USP15: variants seen among roughly 807,000 people sequenced by gnomAD.
The protein encoded by USP15 is ubiquitin carboxyl-terminal hydrolase 15.
A neutral mutation model predicts 127.1 loss-of-function variants in USP15; 18 were observed. The ratio of observed to expected loss-of-function variants is 0.14; its 90% CI spans 0.10 to 0.21. USP15 has a LOEUF of 0.21. Ranked by LOEUF, USP15 falls within the 10% of genes least tolerant of loss-of-function variation. The pLI, the probability that USP15 is intolerant of heterozygous loss-of-function variation, is 1.00. For missense variants in USP15, 805 were observed against 1,159.9 expected, an observed-to-expected ratio of 0.69 and a Z score of 4.44; for synonymous variants, 364 against 393.7, an observed-to-expected ratio of 0.92 and a Z score of 0.89.
At position 62,409,027 on chromosome 12, in the gene USP15, A is replaced by G. The variant is rs993063923; in HGVS notation, c.*4652A>G. The G allele has an allele frequency of 4.6e-5, 7 of 152,166 alleles. No homozygotes were observed. Among genetic ancestry groups the G allele is most frequent in the African/African-American group, 1.7e-4 (7 of 41,444 alleles). 9.4% of individuals were successfully genotyped at this position (152,166 alleles called of 1,614,324 possible). Reference sequence around the variant, plus strand: ...AATATCAGAATTAGGAAAATAAAATATAGATGGTAAAAATTCAAATATTTA... The same window carrying G: ...AATATCAGAATTAGGAAAATAAAATGTAGATGGTAAAAATTCAAATATTTA... On this transcript the variant is annotated 3_prime_UTR_variant, in exon 22 of 22. Transcript: ENST00000280377.
In USP15 at chr12:62,414,954, C is replaced by G. The variant is rs1208340233; in HGVS notation, c.*10579C>G. ...CACATATATGTATAGCTCTCTCCCTCATATATACACATATCATGTATATAC... is the reference window on the plus strand; with the variant it reads ...CACATATATGTATAGCTCTCTCCCTGATATATACACATATCATGTATATAC... On this transcript the variant is annotated 3_prime_UTR_variant, in exon 22 of 22. Transcript: ENST00000280377. 1 of 124,924 alleles carries G rather than the reference C, an allele frequency of 8.0e-6. No individual in the cohort carries two copies. Among genetic ancestry groups the G allele is most frequent in the Non-Finnish European group, 1.7e-5 (1 of 58,244 alleles). The allele number at this position is 124,924 out of a possible 1,614,324, so 7.7% of individuals were successfully genotyped here.
chr12:62,382,785 CTAAG>C (rs1211406466), intron 9 of USP15, among the ~76,000 whole-genome samples: 11 of 151,948 alleles, frequency 7.2e-5, no homozygotes, highest in South Asian at 2.1e-4. Flanking sequence ...CGCATAGAAA[CTAAG>C]TGAGAGCCTA....
In USP15 at chr12:62,389,650, G is replaced by T; in HGVS notation, c.1603G>T (p.Ala535Ser). The T allele has an allele frequency of 6.2e-7, 1 of 1,612,424 alleles. No individual in the cohort carries two copies. Among genetic ancestry groups the T allele is most frequent in the Non-Finnish European group, 8.5e-7 (1 of 1,179,040 alleles). ...CAATCATAGATTTCACAGAATATTC[G>T]CTATGGATGAAAACCTTAGTAGTAT... is the stretch of plus-strand genomic sequence containing the variant. ...IYNHRFHRIF[A>S]MDENLSSIME... Residue 535 changes from alanine (A) to serine (S), a missense_variant, in exon 13 of 22, where the codon GCT becomes TCT. Physicochemically the swap from Ala to Ser is moderately conservative, Grantham distance 99. Coordinates refer to ENST00000280377, the MANE Select transcript of USP15 (RefSeq NM_001252078.2).
At chr12:62,401,047 A>G (rs1045399267) in intron 20 of USP15, 140 bp from the exon 21 acceptor site, 4 of 451,194 alleles carry the variant, frequency 8.9e-6, no homozygotes, top group Non-Finnish European at 1.5e-5. Flanking sequence ...CATTTGAATC[A>G]ATTGAATATG....
chr12:62,284,276 A>G (rs1171720939), intron 1 of USP15, among the ~76,000 whole-genome samples: 1 of 152,224 alleles, frequency 6.6e-6, no homozygotes, highest in African/African-American at 2.4e-5. Context: ...ATGTCTGAGT[A>G]TAAGTAAAGT....
chr12:62,334,005 G>A (rs1592609715), intron 6 of USP15: 1 of 152,074 alleles, frequency 6.6e-6, no homozygotes. Context: ...TGTGTTTTCA[G>A]GTGAAATTAT....
chr12:62,260,439 C>T lies in USP15; in HGVS notation c.25C>T (p.Leu9=), dbSNP rs1483301961. The change falls in exon 1 of 22, where the codon CTG becomes TTG. Residue 9 remains leucine, a synonymous_variant. Coordinates refer to ENST00000280377, the MANE Select transcript of USP15 (RefSeq NM_001252078.2). Reference sequence around the variant, plus strand: ...GATGGCGGAAGGCGGAGCGGCGGATCTGGACACCCAGCGGTCTGACATCGC... The same window carrying T: ...GATGGCGGAAGGCGGAGCGGCGGATTTGGACACCCAGCGGTCTGACATCGC... The part of the protein sequence containing the change: MAEGGAAD[L]DTQRSDIATL... The T allele has an allele frequency of 4.5e-6, 7 of 1,551,730 alleles. No individual in the cohort carries two copies. The highest frequency in any genetic ancestry group is 6.1e-6 in the Non-Finnish European group (7 of 1,147,740).
At chr12:62,264,175 G>A (rs1050646728) in intron 1 of USP15, among the ~76,000 whole-genome samples, 1 of 152,000 alleles carries the variant, frequency 6.6e-6, no homozygotes, top group Non-Finnish European at 1.5e-5. Flanking sequence ...GTAGAGACAG[G>A]GTTTCCCCAT....
intron 14 of USP15, 33 bp from the exon 15 acceptor site, chr12:62,390,831 A>T (rs748761307): frequency 2.0e-6 from 3 of 1,514,408 alleles, no homozygotes; most frequent in Non-Finnish European, 2.7e-6. Context: ...TCTTTGTAGT[A>T]CTGAACTTGT....
At chr12:62,306,492 G>T (rs1327248822) in intron 3 of USP15, among the ~76,000 whole-genome samples, 2 of 152,158 alleles carry the variant, frequency 1.3e-5, no homozygotes, top group African/African-American at 4.8e-5. Context: ...CTGGTAGAAA[G>T]TGGTCTTTGT....
chr12:62,314,839 TCA>T lies in USP15; in HGVS notation c.401_402del (p.Thr134ArgfsTer6). 1 of 1,597,394 alleles carries T rather than the reference TCA, an allele frequency of 6.3e-7. No individual in the cohort carries two copies. The highest frequency in any genetic ancestry group is 8.5e-7 in the Non-Finnish European group (1 of 1,171,894). ...AAGCACTGCAAAGTAGAAGTATATC[TCA>T]CAGAATTGAAGCTATGTGAAAATGG... On this transcript the variant is annotated frameshift_variant, in exon 4 of 22. Transcript: ENST00000280377. LOFTEE classifies it high-confidence loss of function.
intron 2 of USP15, among the ~76,000 whole-genome samples, chr12:62,298,530 G>A (rs2064203267): frequency 6.6e-6 from 1 of 152,060 alleles, no homozygotes; most frequent in Admixed American, 6.6e-5. Flanking sequence ...GCTGGGTGTG[G>A]TGGCGCGCAC....
intron 1 of USP15, among the ~76,000 whole-genome samples, chr12:62,265,249 T>G (rs1349981243): frequency 6.6e-6 from 1 of 152,182 alleles, no homozygotes; most frequent in African/African-American, 2.4e-5. Flanking sequence ...TTTGTGACAG[T>G]TAACAATTTT....
At chr12:62,370,960 T>TA (rs2137524662) in intron 8 of USP15, among the ~76,000 whole-genome samples, 1 of 152,332 alleles carries the variant, frequency 6.6e-6, no homozygotes, top group South Asian at 2.1e-4. Flanking sequence ...CTACTTCTTA[T>TA]ATAGCACATA....
In USP15 at chr12:62,340,296, AG is replaced by A. The variant is rs1209271889; in HGVS notation, c.684-8924del. Reference sequence around the variant, plus strand: ...CTCTTTATTCTTCATTAGTCTAGCTAGCAGTCTATCTATTTTATTTTTTTCC... The same window carrying A: ...CTCTTTATTCTTCATTAGTCTAGCTACAGTCTATCTATTTTATTTTTTTCC... On this transcript the variant is annotated intron_variant, in intron 6 of 21. Coordinates refer to ENST00000280377, the MANE Select transcript of USP15 (RefSeq NM_001252078.2). 2.0e-5 allele frequency among the ~76,000 whole-genome samples: 3 copies of A among 152,144 alleles called. No individual in the cohort carries two copies. In the East Asian group the frequency reaches 5.8e-4, roughly 29 times the overall value.
At chr12:62,390,066 A>G (rs1042333157) in intron 14 of USP15, 78 bp downstream of exon 14, 90 of 1,314,606 alleles carry the variant, frequency 6.8e-5, no homozygotes, top group Non-Finnish European at 9.0e-5. Flanking sequence ...ATAAACACAT[A>G]AGGTACTATT....
chr12:62,313,667 C>G (rs2064746808), intron 3 of USP15, among the ~76,000 whole-genome samples: 1 of 151,634 alleles, frequency 6.6e-6, no homozygotes, highest in African/African-American at 2.4e-5. Context: ...TAAAACAAAT[C>G]TCAGTAGTTT....
At chr12:62,285,364 T>G (rs1412306361) in intron 1 of USP15, among the ~76,000 whole-genome samples, 1 of 152,208 alleles carries the variant, frequency 6.6e-6, no homozygotes, top group Non-Finnish European at 1.5e-5. Context: ...TATTTCTGAA[T>G]TATTTCCCCT....
intron 4 of USP15, among the ~76,000 whole-genome samples, chr12:62,318,526 C>G (rs2064898359): frequency 1.3e-5 from 2 of 152,254 alleles, no homozygotes; most frequent in South Asian, 4.1e-4. Context: ...TCTTCATATT[C>G]TTTATCTCAA....
Sources: gnomAD v4.1 joint callset for allele counts (sites outside exome capture counted in the v4.1 genomes callset) on GRCh38, gnomAD v4.1.1 for gene constraint, MANE v1.5 for transcripts, NCBI Gene and HGNC (gene_info 2026-07-23, HGNC 2026-07-21) for gene names.